The following MIB1 variants were observed in gnomAD, a reference collection of about 807,000 sequenced individuals.
MIB1 encodes MIB E3 ubiquitin protein ligase 1.
In MIB1, 278 loss-of-function variants were observed where a neutral mutation model predicts 124.5. That is an observed-to-expected ratio of 2.23 (90% CI 2.02 to 2.47). MIB1 has a LOEUF of 2.47. Among genes scored for constraint, MIB1 ranks in the 30% most tolerant of loss-of-function variants. MIB1 has a pLI of 0.00. For missense variants in MIB1, 957 were observed against 1,254.4 expected (o/e 0.76, Z 3.58); for synonymous variants, 446 against 429.4 (o/e 1.04, Z -0.48).
intron 1 of MIB1, among the ~76,000 whole-genome samples, chr18:21,735,115 A>G (rs1188328760): frequency 1.3e-5 from 2 of 152,234 alleles, no homozygotes; most frequent in Non-Finnish European, 2.9e-5. Flanking sequence ...AAATAGGAAC[A>G]GCTCCCGTCT....
intron 6 of MIB1, among the ~76,000 whole-genome samples, chr18:21,785,232 T>G (rs1598609704): frequency 6.6e-6 from 1 of 152,142 alleles, no homozygotes; most frequent in South Asian, 2.1e-4. Context: ...CCCCCTTGCC[T>G]TGTATACAAT....
At chr18:21,847,700 A>G (rs1172825633) in intron 16 of MIB1, among the ~76,000 whole-genome samples, 2 of 152,052 alleles carry the variant, frequency 1.3e-5, no homozygotes, top group Non-Finnish European at 2.9e-5. Flanking sequence ...TATCTCACAC[A>G]AACTGTAGCA....
chr18:21,778,385 G>A (rs748728005), intron 5 of MIB1, among the ~76,000 whole-genome samples: 1 of 152,058 alleles, frequency 6.6e-6, no homozygotes, highest in Non-Finnish European at 1.5e-5. Flanking sequence ...GGCCATTTAT[G>A]TCATAATATA....
chr18:21,806,560 T>C (rs16946925), intron 10 of MIB1, among the ~76,000 whole-genome samples: 3,924 of 151,892 alleles, frequency 0.026, 183 homozygotes, highest in African/African-American at 0.087. Flanking sequence ...ACTATAAACA[T>C]GGTATGATGG....
At chr18:21,711,309 TCTCA>T (rs2040664570) in intron 1 of MIB1, among the ~76,000 whole-genome samples, 1 of 151,958 alleles carries the variant, frequency 6.6e-6, no homozygotes, top group Non-Finnish European at 1.5e-5. Flanking sequence ...TGAAATGGAG[TCTCA>T]CTCTGTCACA....
rs757539398 is a variant in MIB1, at chr18:21,799,830, A to C, written c.1238-11A>C. On this transcript the variant is annotated splice_polypyrimidine_tract_variant and intron_variant, in intron 8 of 20. Transcript: ENST00000261537. ...CCTCCTATATTAGCAGCTTTATTTG[A>C]TGCTTTACAGAAAGACTCTCACAAC... The C allele has an allele frequency of 5.0e-6, 8 of 1,607,944 alleles. No homozygotes were observed. The highest frequency in any genetic ancestry group is 1.7e-6 in the Non-Finnish European group (2 of 1,176,344).
At chr18:21,709,417 A>G (rs923164757) in intron 1 of MIB1, among the ~76,000 whole-genome samples, 2 of 151,702 alleles carry the variant, frequency 1.3e-5, no homozygotes, top group African/African-American at 4.8e-5. Flanking sequence ...CAGACCAGCT[A>G]TGCTGGGCAC....
At position 21,720,557 on chromosome 18, in the gene MIB1, A is replaced by G. The variant is rs2040709993; in HGVS notation, n.167+15434A>G. The stretch of plus-strand genomic sequence containing the variant: ...CAGAGGTCTATGCAATGTGTAACTC[A>G]TGATTGGATCCTGATTCAAAGCAAA... On this transcript the variant is annotated intron_variant and non_coding_transcript_variant, in intron 1 of 20. Coordinates refer to the MIB1 transcript ENST00000578646. 2.6e-5 allele frequency among the ~76,000 whole-genome samples: 4 copies of G among 152,016 alleles called. No homozygotes were observed. The South Asian group carries it at 8.3e-4, about 32-fold the overall frequency.
At chr18:21,758,727 G>A (rs1161784687) in intron 1 of MIB1, among the ~76,000 whole-genome samples, 1 of 152,082 alleles carries the variant, frequency 6.6e-6, no homozygotes, top group Non-Finnish European at 1.5e-5. Context: ...TAGAGACAGG[G>A]TTTCACTATG....
At chr18:21,830,403 ATGTAT>A (rs2041967696) in intron 12 of MIB1, among the ~76,000 whole-genome samples, 1 of 152,170 alleles carries the variant, frequency 6.6e-6, no homozygotes, top group South Asian at 2.1e-4. Flanking sequence ...AATGACAATA[ATGTAT>A]TTGTACATTT....
intron 1 of MIB1, among the ~76,000 whole-genome samples, chr18:21,731,733 C>CAAAAAAA (rs1229088832): frequency 2.0e-4 from 7 of 35,878 alleles, no homozygotes; most frequent in Middle Eastern, 0.017. Flanking sequence ...CCCCGTCTCA[C>CAAAAAAA]AAAAAAAAAA....
intron 12 of MIB1, chr18:21,825,747 C>T (rs781370175): frequency 9.4e-6 from 5 of 529,616 alleles, no homozygotes; most frequent in African/African-American, 3.9e-5. Context: ...ATTGAAGAGG[C>T]GATTTGGTTC....
At position 21,815,815 on chromosome 18, in the gene MIB1, T is replaced by TA; in HGVS notation, c.1677+6dup. ...TTTGGCTGTCATCCCAGTCTCCAGG[T>TA]AAAACCTTTAAAGAAACACATCCTG... On this transcript the variant is annotated splice_region_variant and intron_variant, in intron 11 of 20. Coordinates refer to ENST00000261537, the MANE Select transcript of MIB1 (RefSeq NM_020774.4). 1 of 1,613,484 alleles carries TA rather than the reference T, an allele frequency of 6.2e-7. No individual in the cohort carries two copies. The highest frequency in any genetic ancestry group is 2.2e-5 in the East Asian group (1 of 44,872).
intron 1 of MIB1, among the ~76,000 whole-genome samples, chr18:21,752,196 C>G (rs1279738850): frequency 6.6e-6 from 1 of 151,074 alleles, no homozygotes; most frequent in African/African-American, 2.4e-5. Flanking sequence ...TTATTCCAAA[C>G]ACATTGGCTC....
intron 1 of MIB1, among the ~76,000 whole-genome samples, chr18:21,732,606 C>T (rs1047098319): frequency 6.6e-6 from 1 of 152,026 alleles, no homozygotes; most frequent in African/African-American, 2.4e-5. Context: ...CTATTCATGA[C>T]CAGGCTGGTC....
At chr18:21,843,830 TTAGAG>T (rs1345632153) in intron 14 of MIB1, among the ~76,000 whole-genome samples, 1 of 152,228 alleles carries the variant, frequency 6.6e-6, no homozygotes, top group Non-Finnish European at 1.5e-5. Flanking sequence ...TATCATCATC[TTAGAG>T]TAGATGAATT....
chr18:21,837,567 T>A (rs979274025), intron 12 of MIB1, among the ~76,000 whole-genome samples: 1 of 152,108 alleles, frequency 6.6e-6, no homozygotes, highest in Non-Finnish European at 1.5e-5. Context: ...TAAGTGTAAT[T>A]TTAGAGGTTC....
intron 1 of MIB1, among the ~76,000 whole-genome samples, chr18:21,759,705 A>G (rs765719676): frequency 6.6e-6 from 1 of 152,148 alleles, no homozygotes; most frequent in Non-Finnish European, 1.5e-5. Flanking sequence ...TACTTTTGCT[A>G]TTATACGAAG....
Position 21,838,419 on chromosome 18 carries a change from G to GA in MIB1, c.1887dup (p.Asp630ArgfsTer2), listed in dbSNP as rs772574851. 6.2e-7 allele frequency: 1 copy of GA among 1,610,594 alleles called. No individual in the cohort carries two copies. Among genetic ancestry groups the GA allele is most frequent in the Non-Finnish European group, 8.5e-7 (1 of 1,177,504 alleles). ...CAAGACCATGGATTGTGGATGAGAA[G>GA]AAAGATGATGGTTATACTGCCTTAC... On this transcript the variant is annotated frameshift_variant, in exon 13 of 21. Coordinates refer to ENST00000261537, the MANE Select transcript of MIB1 (RefSeq NM_020774.4). LOFTEE classifies it high-confidence loss of function.
Sources: gnomAD v4.1 joint callset for allele counts (sites outside exome capture counted in the v4.1 genomes callset) on GRCh38, gnomAD v4.1.1 for gene constraint, MANE v1.5 for transcripts, NCBI Gene and HGNC (gene_info 2026-07-23, HGNC 2026-07-21) for gene names.